Variants in RNF220 observed in about 807,000 individuals in gnomAD.
RNF220 encodes the protein ring finger protein 220, also known as E3 ubiquitin-protein ligase RNF220.
Under a neutral mutation model 67.1 loss-of-function variants are expected in RNF220, and 7 were observed. That is an observed-to-expected ratio of 0.10 (90% CI 0.06 to 0.20). The LOEUF is 0.20. Among genes scored for constraint, RNF220 ranks in the 10% least tolerant of loss-of-function variants. RNF220 has a pLI of 1.00. For missense variants in RNF220, 565 were observed against 740.3 expected (o/e 0.76, Z 2.75); for synonymous variants, 270 against 283.2 (o/e 0.95, Z 0.47).
chr1:44,422,211 C>T (rs1359058019), intron 2 of RNF220, among the ~76,000 whole-genome samples: 4 of 152,118 alleles, frequency 2.6e-5, no homozygotes, highest in African/African-American at 4.8e-5. Flanking sequence ...AGAAGGAATT[C>T]TAGAAAAGGA....
At chr1:44,579,872 T>C (rs1009928609) in intron 2 of RNF220, among the ~76,000 whole-genome samples, 2 of 150,192 alleles carry the variant, frequency 1.3e-5, no homozygotes, top group African/African-American at 4.9e-5. Context: ...CTATAAAAAA[T>C]ACCAAAAAAT....
At chr1:44,509,026 G>A (rs1302034446) in intron 2 of RNF220, among the ~76,000 whole-genome samples, 2 of 152,052 alleles carry the variant, frequency 1.3e-5, no homozygotes, top group African/African-American at 2.4e-5. Context: ...GAGATTCCAC[G>A]GTCCTCACTC....
rs1386602711 is a variant in RNF220 at position 44,624,556 on chromosome 1, C to G, written c.805-1741C>G. Among the ~76,000 whole-genome samples, 3 of 152,274 alleles carry G rather than the reference C, an allele frequency of 2.0e-5. No homozygotes were observed. The highest frequency in any genetic ancestry group is 2.1e-4 in the South Asian group (1 of 4,822). ...CACTTCCAGATATATGCCCACACCC[C>G]CAAAGCTGAATAGTTCAGGGTCTAT... is the stretch of plus-strand genomic sequence containing the variant. On this transcript the variant is annotated intron_variant, in intron 4 of 14. Coordinates refer to ENST00000361799, the MANE Select transcript of RNF220 (RefSeq NM_018150.4). This position sits in a 1 kb window ranked among gnomAD's most constrained non-coding sequence, Gnocchi z 4.2.
chr1:44,441,100 T>G (rs577310662), intron 2 of RNF220, among the ~76,000 whole-genome samples: 2 of 152,298 alleles, frequency 1.3e-5, no homozygotes, highest in East Asian at 3.9e-4. Context: ...ACTTCCAAGA[T>G]ATTATCATTG....
At chr1:44,632,459 T>G in intron 6 of RNF220, 74 bp downstream of exon 6, 1 of 1,157,182 alleles carries the variant, frequency 8.6e-7, no homozygotes. Flanking sequence ...CTGCCGCTCC[T>G]GGCTTGCCTG....
chr1:44,563,147 C>T (rs972765371), intron 2 of RNF220, among the ~76,000 whole-genome samples: 27 of 152,228 alleles, frequency 1.8e-4, no homozygotes, highest in African/African-American at 6.0e-4. Flanking sequence ...ATGGTAACAG[C>T]AGACCTGGGC....
chr1:44,552,563 C>CTTTTTTTTTTTTTTT (rs368891059), intron 2 of RNF220, among the ~76,000 whole-genome samples: 2 of 71,330 alleles, frequency 2.8e-5, no homozygotes, highest in Non-Finnish European at 5.3e-5. Context: ...TTCTAAACTT[C>CTTTTTTTTTTTTTTT]TTCTTTTTTT....
At chr1:44,482,920 CTTTTTTTTTT>C (rs34268893) in intron 2 of RNF220, among the ~76,000 whole-genome samples, 15 of 69,120 alleles carry the variant, frequency 2.2e-4, no homozygotes, top group African/African-American at 9.6e-4. Flanking sequence ...CACACCCAGC[CTTTTTTTTTT>C]TTTTTTTTTT....
At position 44,645,123 on chromosome 1, in the gene RNF220, A is replaced by G. The variant is rs1291369108; in HGVS notation, c.1310+42A>G. The G allele has an allele frequency of 8.1e-6, 13 of 1,613,030 alleles. No individual in the cohort carries two copies. The highest frequency in any genetic ancestry group is 1.0e-5 in the Non-Finnish European group (12 of 1,179,026). The stretch of plus-strand genomic sequence containing the variant: ...GCTTGGGCGGGTGGAGCAGAGAAAC[A>G]GGAAGCCCTGAGGCAGGGGTTAACG... On this transcript the variant is annotated intron_variant, in intron 10 of 14. Coordinates refer to ENST00000361799, the MANE Select transcript of RNF220 (RefSeq NM_018150.4). The surrounding 1 kb of genome is among the most constrained non-coding windows in gnomAD (Gnocchi z 5.0).
intron 2 of RNF220, among the ~76,000 whole-genome samples, chr1:44,612,652 C>T (rs1170368026): frequency 1.3e-5 from 2 of 151,838 alleles, no homozygotes; most frequent in Admixed American, 6.6e-5. Context: ...ATGGGACATC[C>T]AGGTAAATTT....
chr1:44,625,044 AG>A (rs1643899251), intron 4 of RNF220, among the ~76,000 whole-genome samples: 1 of 151,772 alleles, frequency 6.6e-6, no homozygotes, highest in Non-Finnish European at 1.5e-5. Flanking sequence ...AGAGAGAGAG[AG>A]AGAGAGAGAG....
intron 3 of RNF220, among the ~76,000 whole-genome samples, chr1:44,616,340 T>C (rs1222104901): frequency 2.0e-5 from 3 of 152,236 alleles, no homozygotes; most frequent in African/African-American, 7.2e-5. Context: ...ACTATACCAG[T>C]GATAATAATA....
chr1:44,546,929 C>T (rs547651961), intron 2 of RNF220, among the ~76,000 whole-genome samples: 1 of 152,354 alleles, frequency 6.6e-6, no homozygotes, highest in South Asian at 2.1e-4. Flanking sequence ...GAGTCATACC[C>T]CTCAAGGCAG....
At chr1:44,471,480 T>C (rs1572605709) in intron 2 of RNF220, among the ~76,000 whole-genome samples, 1 of 152,054 alleles carries the variant, frequency 6.6e-6, no homozygotes. Flanking sequence ...ACAATGTCAT[T>C]CAACTATCAC....
In RNF220 at chr1:44,651,721, G is replaced by A. The variant is rs1447394813; in HGVS notation, c.*946G>A. 2 of 152,186 alleles carry A rather than the reference G, an allele frequency of 1.3e-5. No homozygotes were observed. The highest frequency in any genetic ancestry group is 6.6e-5 in the Admixed American group (1 of 15,262). 9.4% of individuals were successfully genotyped at this position (152,186 alleles called of 1,614,324 possible). ...GACATGGATTAAACCAGTATAAACAGTTGCTGCCTGTGTGTTATGTGTGTG... is the reference window on the plus strand; with the variant it reads ...GACATGGATTAAACCAGTATAAACAATTGCTGCCTGTGTGTTATGTGTGTG... On this transcript the variant is annotated 3_prime_UTR_variant, in exon 15 of 15. Coordinates refer to ENST00000361799, the MANE Select transcript of RNF220 (RefSeq NM_018150.4).
chr1:44,575,543 GA>G (rs200709330), intron 2 of RNF220, among the ~76,000 whole-genome samples: 4,672 of 152,118 alleles, frequency 0.031, 206 homozygotes, highest in East Asian at 0.16. Context: ...ACAGGTACAT[GA>G]AAAAATGCTG....
intron 2 of RNF220, among the ~76,000 whole-genome samples, chr1:44,557,195 T>TTATATA (rs201045333): frequency 0.032 from 4,638 of 144,204 alleles, 226 homozygotes; most frequent in African/African-American, 0.11. Context: ...AATATATATT[T>TTATATA]TATATATATA....
intron 4 of RNF220, 43 bp from the exon 5 acceptor site, chr1:44,626,254 G>A (rs768215374): frequency 6.1e-6 from 9 of 1,464,124 alleles, no homozygotes; most frequent in African/African-American, 5.6e-5. Context: ...CTGACTGTAG[G>A]TCTCATTTGG....
intron 2 of RNF220, among the ~76,000 whole-genome samples, chr1:44,447,863 T>G (rs889278978): frequency 3.3e-5 from 5 of 152,206 alleles, no homozygotes; most frequent in African/African-American, 1.2e-4. Flanking sequence ...TGCTGTTCAG[T>G]GTTCTAATCC....
Sources: allele counts gnomAD v4.1 joint callset (sites outside exome capture counted in the v4.1 genomes callset), GRCh38; gene constraint gnomAD v4.1.1; non-coding constraint Gnocchi (gnomAD v3.1); transcripts MANE v1.5; gene names NCBI Gene and HGNC (gene_info 2026-07-23, HGNC 2026-07-21).